The following PRRC2C variants were observed in gnomAD, a reference collection of about 807,000 sequenced individuals.
The protein encoded by PRRC2C is protein PRRC2C.
PRRC2C carries 72 observed loss-of-function variants against 317.2 expected under a neutral mutation model. The ratio of observed to expected loss-of-function variants is 0.23; its 90% CI spans 0.19 to 0.28. The LOEUF (loss-of-function observed/expected upper bound fraction) is 0.28, where lower values mean the gene tolerates loss of function less well. Ranked by LOEUF, PRRC2C falls within the 10% of genes least tolerant of loss-of-function variation. The probability of loss-of-function intolerance (pLI) is 1.00; values close to 1 mark genes in which losing one functional copy is unlikely to be tolerated. For missense variants in PRRC2C, 3,074 were observed against 3,459.7 expected, an observed-to-expected ratio of 0.89 and a Z score of 2.80; for synonymous variants, 1,296 against 1,205.9, an observed-to-expected ratio of 1.07 and a Z score of -1.55.
intron 30 of PRRC2C, among the ~76,000 whole-genome samples, chr1:171,585,910 A>T (rs235497): frequency 0.8 from 121,418 of 151,908 alleles, 48,668 homozygotes; most frequent in Middle Eastern, 0.89. Flanking sequence ...TCTTGGGGCG[A>T]GGGGCCTGTC....
At chr1:171,542,982 G>A (rs547069213) in intron 16 of PRRC2C, among the ~76,000 whole-genome samples, 263 of 150,042 alleles carry the variant, frequency 1.8e-3, no homozygotes, top group African/African-American at 5.1e-3. Context: ...GGATGGTCTC[G>A]ATATCCTGAC....
rs377163427 is a variant in PRRC2C, at chr1:171,527,745, G to C, written c.1201-46G>C. The C allele has an allele frequency of 2.1e-5, 31 of 1,497,074 alleles. No individual in the cohort carries two copies. The African/African-American group carries it at 4.2e-4, about 20-fold the overall frequency. 92.7% of individuals were successfully genotyped at this position (1,497,074 alleles called of 1,614,324 possible). A position where few individuals can be genotyped will look rare whatever the true frequency, so the allele number is the denominator to read the frequency against. On this transcript the variant is annotated intron_variant, in intron 10 of 34. Transcript: ENST00000647382. ...CACTCCAGCATGGGCAACAGAGCAAGACTGTCTCCAAAATAATAAGAATAA... is the reference window on the plus strand; with the variant it reads ...CACTCCAGCATGGGCAACAGAGCAACACTGTCTCCAAAATAATAAGAATAA...
At chr1:171,503,855 C>A (rs1669649160) in intron 1 of PRRC2C, among the ~76,000 whole-genome samples, 2 of 152,192 alleles carry the variant, frequency 1.3e-5, no homozygotes, top group Non-Finnish European at 2.9e-5. Flanking sequence ...CTGCGTCTTA[C>A]ATGGCAGCAG....
chr1:171,577,061 A>G (rs1056840616), intron 25 of PRRC2C, among the ~76,000 whole-genome samples: 3 of 152,162 alleles, frequency 2.0e-5, no homozygotes, highest in Non-Finnish European at 4.4e-5. Context: ...TTGTGTCCTT[A>G]TATCTGTGGT....
chr1:171,536,120 C>T lies in PRRC2C; in HGVS notation c.2135C>T (p.Pro712Leu), dbSNP rs1557941441. The change falls in exon 14 of 35, where the codon CCT (proline) becomes CTT (leucine). Residue 712 changes from proline to leucine, a missense_variant. Coordinates refer to ENST00000647382, the MANE Select transcript of PRRC2C (RefSeq NM_001387844.1). The stretch of plus-strand genomic sequence containing the variant: ...TCACAACCGTCCAGTAGTACTGTCC[C>T]TCCTCCACCACACAGACCTCTTTAT... ...VPSQPSSSTV[P>L]PPPHRPLYQP... The T allele has an allele frequency of 6.3e-7, 1 of 1,576,650 alleles. No individual in the cohort carries two copies. Among genetic ancestry groups the T allele is most frequent in the African/African-American group, 1.3e-5 (1 of 74,454 alleles).
chr1:171,488,265 G>T (rs1666486331), intron 1 of PRRC2C, among the ~76,000 whole-genome samples: 1 of 152,176 alleles, frequency 6.6e-6, no homozygotes, highest in Non-Finnish European at 1.5e-5. Flanking sequence ...TACAAAAATT[G>T]TGTCTGAGTT....
chr1:171,543,532 T>C (rs1358568227), intron 16 of PRRC2C, among the ~76,000 whole-genome samples: 1 of 152,216 alleles, frequency 6.6e-6, no homozygotes, highest in African/African-American at 2.4e-5. Flanking sequence ...ATGATACTTG[T>C]GATGCACTTA....
Position 171,559,505 on chromosome 1 carries a change from G to GTTTTTTTTTTTTTTTT in PRRC2C, c.6031+1365_6031+1366insTTTTTTTTTTTTTTTT, listed in dbSNP as rs1236663155. Among the ~76,000 whole-genome samples the GTTTTTTTTTTTTTTTT allele has an allele frequency of 2.1e-4, 20 of 95,124 alleles. 10 individuals carry two copies. The highest frequency in any genetic ancestry group is 2.8e-4 in the Non-Finnish European group (14 of 50,628). 62.4% of individuals were successfully genotyped at this position (95,124 alleles called of 152,430 possible). A position where few individuals can be genotyped will look rare whatever the true frequency, so the allele number is the denominator to read the frequency against. On this transcript the variant is annotated intron_variant, in intron 19 of 34. Coordinates refer to ENST00000647382, the MANE Select transcript of PRRC2C (RefSeq NM_001387844.1). ...ATCTGTTTACAAAATGGCATACCAA[G>GTTTTTTTTTTTTTTTT]TTTGTTTTTTTTTTTTTTTTTTTTT...
intron 10 of PRRC2C, among the ~76,000 whole-genome samples, chr1:171,527,392 C>T (rs571988831): frequency 1.3e-5 from 2 of 152,182 alleles, no homozygotes; most frequent in Admixed American, 6.5e-5. Flanking sequence ...CTCGGCCTCC[C>T]AAAGTGCTGG....
intron 19 of PRRC2C, 120 bp downstream of exon 19, chr1:171,558,263 AAAGT>A (rs1238334042): frequency 1.5e-6 from 2 of 1,297,268 alleles, no homozygotes; most frequent in Non-Finnish European, 2.0e-6. Context: ...ATTGTAGGAA[AAAGT>A]AATAGTAATC....
chr1:171,524,685 C>A, intron 9 of PRRC2C, 136 bp from the exon 10 acceptor site: 1 of 841,334 alleles, frequency 1.2e-6, no homozygotes, highest in Non-Finnish European at 1.8e-6. Context: ...ACTAATGGGT[C>A]ACACACCCAT....
chr1:171,588,305 A>T lies in PRRC2C; in HGVS notation c.8073-74A>T. 2.7e-6 allele frequency: 4 copies of T among 1,501,340 alleles called. No individual in the cohort carries two copies. The South Asian group carries it at 4.8e-5, about 18-fold the overall frequency. 93.0% of individuals were successfully genotyped at this position (1,501,340 alleles called of 1,614,324 possible). A position where few individuals can be genotyped will look rare whatever the true frequency, so the allele number is the denominator to read the frequency against. ...ACCAAGTATGATGAAAATACCAAGA[A>T]CGGTGTTTGCAAAAATCTAACAGCA... On this transcript the variant is annotated intron_variant, in intron 32 of 34. Transcript: ENST00000647382.
At chr1:171,571,551 G>A (rs1572074034) in intron 24 of PRRC2C, 130 bp downstream of exon 24, 1 of 677,090 alleles carries the variant, frequency 1.5e-6, no homozygotes, top group South Asian at 1.9e-5. Flanking sequence ...GAAATAGAGT[G>A]CTGTCAAATT....
At chr1:171,511,117 G>A (rs753599604) in intron 1 of PRRC2C, 1 of 152,000 alleles carries the variant, frequency 6.6e-6, no homozygotes, top group African/African-American at 2.4e-5. Context: ...CTGTGTTTCA[G>A]TTCTCAATGT....
intron 25 of PRRC2C, among the ~76,000 whole-genome samples, chr1:171,575,403 CAG>C (rs1266684812): frequency 6.6e-6 from 1 of 152,120 alleles, no homozygotes; most frequent in Non-Finnish European, 1.5e-5. Flanking sequence ...TCAAAAAGAA[CAG>C]AGAATCACAC....
chr1:171,531,157 A>G (rs1000546926), intron 11 of PRRC2C, among the ~76,000 whole-genome samples: 3 of 152,226 alleles, frequency 2.0e-5, no homozygotes, highest in Non-Finnish European at 4.4e-5. Flanking sequence ...ATTCTAGGAC[A>G]AACAGAACTA....
chr1:171,489,959 G>T (rs149461596), intron 1 of PRRC2C, among the ~76,000 whole-genome samples: 1 of 151,830 alleles, frequency 6.6e-6, no homozygotes, highest in Non-Finnish European at 1.5e-5. Context: ...TCACTCCGTT[G>T]CCCAGGCTGG....
chr1:171,521,051 G>A (rs184976691), intron 6 of PRRC2C, among the ~76,000 whole-genome samples: 43 of 151,590 alleles, frequency 2.8e-4, no homozygotes, highest in African/African-American at 1.0e-3. Context: ...TGATCTACCC[G>A]CTTCGGCCTC....
chr1:171,549,083 CT>C (rs1335407683), intron 17 of PRRC2C, among the ~76,000 whole-genome samples: 1 of 152,200 alleles, frequency 6.6e-6, no homozygotes, highest in Non-Finnish European at 1.5e-5. Context: ...CAACTCCACA[CT>C]GTAGACAAGG....
Sources: gnomAD v4.1 joint callset for allele counts (sites outside exome capture counted in the v4.1 genomes callset) on GRCh38, gnomAD v4.1.1 for gene constraint, MANE v1.5 for transcripts, NCBI Gene and HGNC (gene_info 2026-07-23, HGNC 2026-07-21) for gene names.